The following DOT1L variants were observed in gnomAD, a reference collection of about 807,000 sequenced individuals.
DOT1L encodes the protein DOT1 like histone lysine methyltransferase.
DOT1L carries 33 observed loss-of-function variants against 153.3 expected under a neutral mutation model. That is an observed-to-expected ratio of 0.22 (90% CI 0.16 to 0.29). DOT1L has a LOEUF of 0.29. Among genes scored for constraint, DOT1L ranks in the 10% least tolerant of loss-of-function variants. The probability of loss-of-function intolerance (pLI) is 1.00; values close to 1 mark genes in which losing one functional copy is unlikely to be tolerated. For synonymous variants in DOT1L, 1,135 were observed against 965.1 expected (o/e 1.18, Z -3.26); for missense variants, 1,847 against 2,119.9 (o/e 0.87, Z 2.53).
intron 1 of DOT1L, among the ~76,000 whole-genome samples, chr19:2,178,794 T>C (rs1182254882): frequency 6.6e-6 from 1 of 152,182 alleles, no homozygotes; most frequent in African/African-American, 2.4e-5. Context: ...CTCTATCTCC[T>C]GACCTCGTGA....
rs1273676133 is a variant in DOT1L, at chr19:2,211,181, G to A, written c.1434G>A (p.Ala478=). 4 of 1,611,444 alleles carry A rather than the reference G, an allele frequency of 2.5e-6. No homozygotes were observed. Among genetic ancestry groups the A allele is most frequent in the East Asian group, 2.2e-5 (1 of 44,854 alleles). Residue 478 remains alanine, a synonymous_variant, in exon 15 of 28, where the codon GCG becomes GCA. Coordinates refer to ENST00000398665, the MANE Select transcript of DOT1L (RefSeq NM_032482.3). ...ACTCCCCCAACCCGCTGCTGGTGGC[G>A]CCCACCCCGCCCGCGCTGCAGAAGC... ...QRHSPNPLLV[A]PTPPALQKLL...
chr19:2,225,609 G>A (rs967825737), intron 26 of DOT1L, among the ~76,000 whole-genome samples, 157 bp downstream of exon 26: 6 of 152,052 alleles, frequency 3.9e-5, no homozygotes, highest in Admixed American at 3.3e-4. Context: ...GCTGCGTCGT[G>A]TCCTGCGTGG....
chr19:2,205,341 G>A lies in DOT1L; in HGVS notation c.788-1388G>A, dbSNP rs151065062. ...AAGGCTCTGTTTCTCTCGGTCCTGC[G>A]AAGTTCGGCTCCTGACACCAAGTTC... On this transcript the variant is annotated intron_variant, in intron 9 of 27. Transcript: ENST00000398665. Among the ~76,000 whole-genome samples the A allele has an allele frequency of 4.9e-3, 749 of 152,230 alleles. 6 individuals are homozygous for A. The highest frequency in any genetic ancestry group is 5.9e-3 in the Non-Finnish European group (399 of 68,010).
intron 8 of DOT1L, among the ~76,000 whole-genome samples, chr19:2,202,131 G>C (rs1328081244): frequency 6.6e-6 from 1 of 152,214 alleles, no homozygotes; most frequent in Non-Finnish European, 1.5e-5. Flanking sequence ...TGGGGAACAC[G>C]GGCAGCCCAA....
intron 27 of DOT1L, 31 bp downstream of exon 27, chr19:2,227,158 G>C: frequency 1.3e-6 from 2 of 1,564,214 alleles, no homozygotes; most frequent in Middle Eastern, 1.7e-4. Context: ...TCCGCCCCCC[G>C]CCCCGGCCCC....
intron 12 of DOT1L, 86 bp from the exon 13 acceptor site, chr19:2,210,314 T>G: frequency 2.4e-6 from 3 of 1,231,652 alleles, no homozygotes; most frequent in Non-Finnish European, 3.3e-6. Context: ...GTGGCCCCCT[T>G]GAGTCTGAGC....
intron 3 of DOT1L, among the ~76,000 whole-genome samples, chr19:2,187,377 C>T (rs915594502): frequency 6.6e-6 from 1 of 152,236 alleles, no homozygotes; most frequent in African/African-American, 2.4e-5. Flanking sequence ...TGTGTGGCGT[C>T]CTTCCTCTTC....
chr19:2,217,968 A>G lies in DOT1L; in HGVS notation c.2691+50A>G. On this transcript the variant is annotated intron_variant, in intron 22 of 27. Transcript: ENST00000398665. This position sits in a 1 kb window ranked among gnomAD's most constrained non-coding sequence, Gnocchi z 7.3. ...CCCAAGGGCCACGTTGAGGCAAAAC[A>G]GTCTGGGGTGCTCGAGACCTGGCTC... 1 of 1,589,302 alleles carries G rather than the reference A, an allele frequency of 6.3e-7. No homozygotes were observed. The highest frequency in any genetic ancestry group is 8.6e-7 in the Non-Finnish European group (1 of 1,169,286).
At chr19:2,223,181 C>T in intron 24 of DOT1L, 100 bp from the exon 25 acceptor site, 6 of 1,338,398 alleles carry the variant, frequency 4.5e-6, no homozygotes, top group Non-Finnish European at 6.3e-6. Context: ...CCTCAGGAGA[C>T]CCTGGGGTGC....
Position 2,226,831 on chromosome 19 carries a change from G to A in DOT1L, c.4310G>A (p.Ser1437Asn). Residue 1437 changes from serine to asparagine, a missense_variant, in exon 27 of 28, where the codon AGC becomes AAC. Ser to Asn is a conservative substitution (Grantham distance 46). This residue lies in a region of DOT1L where 934 missense variants were observed against 825.3 expected (regional missense o/e 1.13). Coordinates refer to ENST00000398665, the MANE Select transcript of DOT1L (RefSeq NM_032482.3). Reference protein sequence around the residue: ...FISAAAVPPGSLLSGPGLAPA... With the variant: ...FISAAAVPPGNLLSGPGLAPA... The stretch of plus-strand genomic sequence containing the variant: ...TCTGCGGCGGCCGTGCCTCCCGGAA[G>A]CCTCCTCAGCGGCCCCGGCCTGGCC... The A allele has an allele frequency of 1.3e-6, 2 of 1,580,804 alleles. No homozygotes were observed. Among genetic ancestry groups the A allele is most frequent in the East Asian group, 2.3e-5 (1 of 43,232 alleles).
chr19:2,174,986 GTGTGTGTGTATA>G (rs142986656), intron 1 of DOT1L, among the ~76,000 whole-genome samples: 76 of 101,384 alleles, frequency 7.5e-4, no homozygotes, highest in South Asian at 2.7e-3. Context: ...GTGTGTGTGT[GTGTGTGTGTATA>G]TATATATTTT....
In DOT1L at chr19:2,207,119, C is replaced by A. The variant is rs376605337; in HGVS notation, c.856+322C>A. ...CAGGACTTTTGTGGACAGAGACAGG[C>A]CCACGGTGGGAAGGAGCCGGCCCCT... On this transcript the variant is annotated intron_variant, in intron 10 of 27. Coordinates refer to ENST00000398665, the MANE Select transcript of DOT1L (RefSeq NM_032482.3). The surrounding 1 kb of genome is among the most constrained non-coding windows in gnomAD (Gnocchi z 4.5). Among the ~76,000 whole-genome samples the A allele has an allele frequency of 2.0e-5, 3 of 152,220 alleles. No homozygotes were observed. The highest frequency in any genetic ancestry group is 7.2e-5 in the African/African-American group (3 of 41,462).
chr19:2,198,830 C>G (rs950095555), intron 7 of DOT1L, among the ~76,000 whole-genome samples: 8 of 152,218 alleles, frequency 5.3e-5, no homozygotes, highest in Admixed American at 2.0e-4. Context: ...TGTCCGGCGT[C>G]TCTCACTGAG....
intron 1 of DOT1L, among the ~76,000 whole-genome samples, chr19:2,166,380 G>C (rs955645534): frequency 1.3e-5 from 2 of 152,054 alleles, no homozygotes. Context: ...ACAGGCACGA[G>C]CCACCTCGCC....
intron 2 of DOT1L, among the ~76,000 whole-genome samples, 196 bp from the exon 3 acceptor site, chr19:2,185,659 C>T (rs2022464027): frequency 6.6e-6 from 1 of 152,132 alleles, no homozygotes; most frequent in South Asian, 2.1e-4. Context: ...GTCCCAGCTA[C>T]TTGGGAGGCT....
chr19:2,202,616 G>T, intron 8 of DOT1L, 84 bp from the exon 9 acceptor site: 12 of 1,390,326 alleles, frequency 8.6e-6, no homozygotes, highest in South Asian at 1.2e-5. Context: ...GCCTAGCACC[G>T]ACAGCAGCGG....
chr19:2,214,130 G>A, intron 18 of DOT1L, 144 bp downstream of exon 18: 1 of 1,349,096 alleles, frequency 7.4e-7, no homozygotes, highest in Non-Finnish European at 9.9e-7. Context: ...ACCTGTGAAA[G>A]CTTGTCGAGC....
chr19:2,220,768 C>A lies in DOT1L; in HGVS notation c.2806+546C>A. On this transcript the variant is annotated intron_variant, in intron 23 of 27. Transcript: ENST00000398665. The surrounding 1 kb of genome is among the most constrained non-coding windows in gnomAD (Gnocchi z 4.5). ...AGAGACAGCATGTCAGCGGGCATGG[C>A]TGTGTGCCAGCAAAACTGTACTTAA... The A allele has an allele frequency of 2.9e-6, 1 of 347,480 alleles. No individual in the cohort carries two copies. Among genetic ancestry groups the A allele is most frequent in the Non-Finnish European group, 5.7e-6 (1 of 174,718 alleles). The allele number at this position is 347,480 out of a possible 1,614,324, so 21.5% of individuals were successfully genotyped here. A position where few individuals can be genotyped will look rare whatever the true frequency, so the allele number is the denominator to read the frequency against.
In DOT1L at chr19:2,231,130, C is replaced by T. The variant is rs932937010; in HGVS notation, c.*1338C>T. The T allele has an allele frequency of 8.7e-6, 2 of 229,110 alleles. No individual in the cohort carries two copies. Among genetic ancestry groups the T allele is most frequent in the African/African-American group, 4.4e-5 (2 of 45,010 alleles). 14.2% of individuals were successfully genotyped at this position (229,110 alleles called of 1,614,324 possible). ...CTTCTGGAGCCCTGAGCAGTCAGGGCCTGGGTTGTCTGAGCAGTGGTGGCT... is the reference window on the plus strand; with the variant it reads ...CTTCTGGAGCCCTGAGCAGTCAGGGTCTGGGTTGTCTGAGCAGTGGTGGCT... On this transcript the variant is annotated 3_prime_UTR_variant, in exon 28 of 28. Coordinates refer to ENST00000398665, the MANE Select transcript of DOT1L (RefSeq NM_032482.3).
Sources: allele counts gnomAD v4.1 joint callset (sites outside exome capture counted in the v4.1 genomes callset), GRCh38; gene constraint gnomAD v4.1.1; regional missense constraint gnomAD v4.1.1; non-coding constraint Gnocchi (gnomAD v3.1); transcripts MANE v1.5; gene names NCBI Gene and HGNC (gene_info 2026-07-23, HGNC 2026-07-21).